SDSL: variants seen among roughly 807,000 people sequenced by gnomAD.
SDSL encodes serine dehydratase like.
SDSL carries 26 observed loss-of-function variants against 27.6 expected under a neutral mutation model. The ratio of observed to expected loss-of-function variants is 0.94; its 90% CI spans 0.69 to 1.31. The LOEUF (loss-of-function observed/expected upper bound fraction) is 1.31. Among genes scored for constraint, SDSL ranks in the 50% most tolerant of loss-of-function variants. The pLI is 0.00. For missense variants in SDSL, 431 were observed against 423.5 expected (o/e 1.02, Z -0.16); for synonymous variants, 196 against 180.6 (o/e 1.09, Z -0.69).
At chr12:113,425,449 AC>A (rs1303090861) in intron 1 of SDSL, among the ~76,000 whole-genome samples, 2 of 151,776 alleles carry the variant, frequency 1.3e-5, no homozygotes, top group East Asian at 1.9e-4. Flanking sequence ...TGATCTTGGA[AC>A]CCCAGCCATG....
chr12:113,432,268 CT>C (rs1349743361), intron 4 of SDSL, among the ~76,000 whole-genome samples: 9 of 140,496 alleles, frequency 6.4e-5, no homozygotes, highest in African/African-American at 2.4e-4. Flanking sequence ...TTCTTTCTTT[CT>C]TTCTTTCTTT....
chr12:113,437,054 A>G, intron 7 of SDSL, 179 bp downstream of exon 7: 2 of 510,992 alleles, frequency 3.9e-6, no homozygotes, highest in Non-Finnish European at 6.3e-6. Context: ...GAAGGAGTGT[A>G]TCTTGCTGTC....
chr12:113,423,204 G>A (rs1014619779), intron 1 of SDSL, among the ~76,000 whole-genome samples: 1 of 152,202 alleles, frequency 6.6e-6, no homozygotes, highest in South Asian at 2.1e-4. Flanking sequence ...ACTGAGCCAG[G>A]AGCATTTGGT....
Position 113,435,381 on chromosome 12 carries a change from C to G in SDSL, c.496C>G (p.Pro166Ala). ...QELKAVLRTP[P>A]GALVLAVGGG... is the part of the protein sequence containing the mutation. ...GCTGAAAGCAGTGCTGAGGACCCCA[C>G]CAGGTGCCCTGGTGCTGGCAGTTGG... The change falls in exon 6 of 8, where the codon CCA becomes GCA. Residue 166 changes from proline to alanine, a missense_variant. Transcript: ENST00000403593. The G allele has an allele frequency of 6.2e-7, 1 of 1,604,004 alleles. No homozygotes were observed. Among genetic ancestry groups the G allele is most frequent in the South Asian group, 1.1e-5 (1 of 89,806 alleles).
rs762396171 is a variant in SDSL, at chr12:113,437,924, G to A, written c.835G>A (p.Ala279Thr). The A allele has an allele frequency of 6.2e-5, 100 of 1,612,974 alleles. 1 individual carries two copies. The highest frequency in any genetic ancestry group is 3.8e-5 in the Non-Finnish European group (45 of 1,179,586). ...RMLVEPACGAALAAIYSGLLR... is the reference protein window; with the variant it reads ...RMLVEPACGATLAAIYSGLLR... ...GCTGGTGGAGCCTGCCTGTGGGGCA[G>A]CCTTAGCAGCCATCTACTCAGGCCT... is the stretch of plus-strand genomic sequence containing the variant. The change falls in exon 8 of 8, where the codon GCC (alanine) becomes ACC (threonine). Residue 279 changes from alanine (A) to threonine (T), a missense_variant. Ala to Thr is a moderately conservative substitution (Grantham distance 58). Transcript: ENST00000403593.
Position 113,434,212 on chromosome 12 carries a change from C to G in SDSL, c.433C>G (p.Pro145Ala), listed in dbSNP as rs991614736. Reference sequence around the variant, plus strand: ...GGAGAATGTCCCCCCGTTTGACCACCCCCTAATATGGTAAGGCTGACGCCC... The same window carrying G: ...GGAGAATGTCCCCCCGTTTGACCACGCCCTAATATGGTAAGGCTGACGCCC... ...GWENVPPFDH[P>A]LIWKGHASLV... The change falls in exon 5 of 8, where the codon CCC becomes GCC. Residue 145 changes from proline (P) to alanine (A), a missense_variant. By Grantham distance (27) the Pro-to-Ala change is conservative. Transcript: ENST00000403593. 1 of 1,612,770 alleles carries G rather than the reference C, an allele frequency of 6.2e-7. No homozygotes were observed.
At chr12:113,431,179 G>A (rs1356562466) in intron 4 of SDSL, among the ~76,000 whole-genome samples, 2 of 152,236 alleles carry the variant, frequency 1.3e-5, no homozygotes, top group African/African-American at 4.8e-5. Flanking sequence ...CATTCAGGCT[G>A]AGCCCAGCGT....
At chr12:113,432,239 T>G (rs1410804497) in intron 4 of SDSL, among the ~76,000 whole-genome samples, 4 of 132,488 alleles carry the variant, frequency 3.0e-5, no homozygotes, top group Admixed American at 2.3e-4. Flanking sequence ...TTTCTTTCTT[T>G]CTTTCTTTCT....
intron 1 of SDSL, among the ~76,000 whole-genome samples, chr12:113,427,690 T>A (rs1429867036): frequency 1.3e-5 from 2 of 152,202 alleles, no homozygotes; most frequent in African/African-American, 4.8e-5. Flanking sequence ...TCCCACTCTC[T>A]CATTCATTTC....
In SDSL at chr12:113,434,198, C is replaced by T. The variant is rs748960078; in HGVS notation, c.419C>T (p.Pro140Leu). 8 of 1,613,272 alleles carry T rather than the reference C, an allele frequency of 5.0e-6. No homozygotes were observed. The South Asian group carries it at 6.6e-5, about 13-fold the overall frequency. Residue 140 changes from proline to leucine, a missense_variant, in exon 5 of 8, where the codon CCC (proline) becomes CTC (leucine). Physicochemically the swap from Pro to Leu is moderately conservative, Grantham distance 98. Transcript: ENST00000403593. ...LAKRDGWENVPPFDHPLIWKG... is the reference protein window; with the variant it reads ...LAKRDGWENVLPFDHPLIWKG... ...AAGAGGGACGGCTGGGAGAATGTCCCCCCGTTTGACCACCCCCTAATATGG... is the reference window on the plus strand; with the variant it reads ...AAGAGGGACGGCTGGGAGAATGTCCTCCCGTTTGACCACCCCCTAATATGG...
At chr12:113,429,558 G>T (rs1298102725) in intron 4 of SDSL, among the ~76,000 whole-genome samples, 1 of 152,158 alleles carries the variant, frequency 6.6e-6, no homozygotes, top group East Asian at 1.9e-4. Context: ...ATGAACAGGA[G>T]ACTGTCTGTC....
chr12:113,432,664 A>ACT (rs1179235047), intron 4 of SDSL, among the ~76,000 whole-genome samples: 2 of 141,496 alleles, frequency 1.4e-5, no homozygotes, highest in Non-Finnish European at 3.1e-5. Flanking sequence ...AACCTCTGCC[A>ACT]CTCTCTCTCT....
intron 1 of SDSL, chr12:113,426,258 C>T (rs910293399): frequency 4.4e-6 from 2 of 455,858 alleles, no homozygotes; most frequent in African/African-American, 4.0e-5. Context: ...TCTTGGCTCT[C>T]TTCCTGTCAT....
In SDSL at chr12:113,436,765, TG is replaced by T; in HGVS notation, c.689del (p.Gly230ValfsTer29). On this transcript the variant is annotated frameshift_variant, in exon 7 of 8. Transcript: ENST00000403593. LOFTEE classifies it high-confidence loss of function. Reference protein sequence around the residue: ...LPDITSVAKSLGAKTVAARAL... With the variant: ...LPDITSVAKSXGAKTVAARAL... ...CTATCCTGCAGTGTGGCCAAGAGCC[TG>T]GGTGCCAAGACGGTGGCCGCTCGGG... 6.2e-7 allele frequency: 1 copy of T among 1,608,894 alleles called. No homozygotes were observed. Among genetic ancestry groups the T allele is most frequent in the Non-Finnish European group, 8.5e-7 (1 of 1,179,018 alleles).
At chr12:113,432,277 T>TC (rs753061255) in intron 4 of SDSL, among the ~76,000 whole-genome samples, 3 of 138,820 alleles carry the variant, frequency 2.2e-5, no homozygotes, top group Admixed American at 1.4e-4. Flanking sequence ...TCTTTCTTTC[T>TC]TTCTTTCTTT....
chr12:113,434,172 C>T lies in SDSL; in HGVS notation c.393C>T (p.Ala131=). Residue 131 remains alanine, a synonymous_variant, in exon 5 of 8, where the codon GCC becomes GCT. Transcript: ENST00000403593. ...DEANLRAQEL[A]KRDGWENVPP... Reference sequence around the variant, plus strand: ...CCAATCTGAGGGCGCAAGAGTTGGCCAAGAGGGACGGCTGGGAGAATGTCC... The same window carrying T: ...CCAATCTGAGGGCGCAAGAGTTGGCTAAGAGGGACGGCTGGGAGAATGTCC... The T allele has an allele frequency of 6.2e-7, 1 of 1,613,802 alleles. No individual in the cohort carries two copies. Among genetic ancestry groups the T allele is most frequent in the Non-Finnish European group, 8.5e-7 (1 of 1,179,800 alleles).
At chr12:113,429,422 C>A in intron 4 of SDSL, 123 bp downstream of exon 4, 1 of 1,105,520 alleles carries the variant, frequency 9.0e-7, no homozygotes, top group Non-Finnish European at 1.3e-6. Flanking sequence ...AGTCCTCTCT[C>A]AGGATAGCTG....
Position 113,426,352 on chromosome 12 carries a change from A to G in SDSL, c.-21-1610A>G, listed in dbSNP as rs1020277554. 6 of 411,976 alleles carry G rather than the reference A, an allele frequency of 1.5e-5. No homozygotes were observed. The East Asian group carries it at 2.9e-4, about 20-fold the overall frequency. The allele number at this position is 411,976 out of a possible 1,614,324, so 25.5% of individuals were successfully genotyped here. On this transcript the variant is annotated intron_variant, in intron 1 of 7. Transcript: ENST00000403593. ...CAGCCAATCAAAATGCACGGATCTG[A>G]TTTGCATCCTGATTCAAACCGTGAA...
At chr12:113,427,458 T>C (rs982603791) in intron 1 of SDSL, among the ~76,000 whole-genome samples, 1 of 152,274 alleles carries the variant, frequency 6.6e-6, no homozygotes, top group East Asian at 1.9e-4. Flanking sequence ...TATGTTTACA[T>C]TTTCCATAAC....
Sources: allele counts gnomAD v4.1 joint callset (sites outside exome capture counted in the v4.1 genomes callset), GRCh38; gene constraint gnomAD v4.1.1; transcripts MANE v1.5; gene names NCBI Gene and HGNC (gene_info 2026-07-23, HGNC 2026-07-21).